Variants in PAPPA2 observed in about 807,000 individuals in gnomAD.
PAPPA2 encodes the protein pappalysin 2.
In PAPPA2, 86 loss-of-function variants were observed where a neutral mutation model predicts 176.4. The ratio of observed to expected loss-of-function variants is 0.49; its 90% CI spans 0.41 to 0.58. The LOEUF is 0.58. PAPPA2 is among the 20% of genes least tolerant of loss of function. PAPPA2 has a pLI of 0.00. For synonymous variants in PAPPA2, 809 were observed against 852.2 expected (o/e 0.95, Z 0.88); for missense variants, 2,073 against 2,256.9 (o/e 0.92, Z 1.65).
intron 1 of PAPPA2, among the ~76,000 whole-genome samples, chr1:176,476,733 A>G (rs757773367): frequency 3.9e-5 from 6 of 152,244 alleles, no homozygotes; most frequent in Non-Finnish European, 8.8e-5. Context: ...TATCAGCATC[A>G]TTTACAAAGA....
intron 1 of PAPPA2, among the ~76,000 whole-genome samples, chr1:176,486,542 A>G (rs756913045): frequency 2.6e-5 from 4 of 152,236 alleles, no homozygotes; most frequent in Non-Finnish European, 4.4e-5. Context: ...TATCAACTTT[A>G]TGAAATTAAG....
Position 176,770,996 on chromosome 1 carries a change from G to A in PAPPA2, c.4531G>A (p.Asp1511Asn). The change falls in exon 17 of 23, where the codon GAT becomes AAT. Residue 1511 changes from aspartate to asparagine, a missense_variant. Asp to Asn is a conservative substitution (Grantham distance 23). Transcript: ENST00000367662. Reference protein sequence around the residue: ...GLSPWLTCLEDGLWSLPEVYC... With the variant: ...GLSPWLTCLENGLWSLPEVYC... ...GAGCCCATGGCTGACATGTCTTGAAGATGGTCTCTGGTCTCTCCCTGAAGT... is the reference window on the plus strand; with the variant it reads ...GAGCCCATGGCTGACATGTCTTGAAAATGGTCTCTGGTCTCTCCCTGAAGT... 1.9e-6 allele frequency: 3 copies of A among 1,614,122 alleles called. No individual in the cohort carries two copies. Among genetic ancestry groups the A allele is most frequent in the Non-Finnish European group, 2.5e-6 (3 of 1,180,022 alleles).
At chr1:176,479,839 T>C (rs1447574068) in intron 1 of PAPPA2, among the ~76,000 whole-genome samples, 1 of 152,238 alleles carries the variant, frequency 6.6e-6, no homozygotes, top group East Asian at 1.9e-4. Flanking sequence ...ATACACTAAC[T>C]TGATTTGTAA....
chr1:176,687,476 G>C (rs574427259), intron 4 of PAPPA2, among the ~76,000 whole-genome samples: 5 of 152,248 alleles, frequency 3.3e-5, no homozygotes, highest in African/African-American at 1.2e-4. Context: ...GACTTCTGCT[G>C]GTTGATGAGA....
chr1:176,577,207 T>C (rs1383777290), intron 2 of PAPPA2, among the ~76,000 whole-genome samples: 1 of 152,170 alleles, frequency 6.6e-6, no homozygotes, highest in African/African-American at 2.4e-5. Context: ...TCAACTCCTT[T>C]AGATTCTTAT....
intron 17 of PAPPA2, among the ~76,000 whole-genome samples, chr1:176,784,706 C>T (rs1664857651): frequency 6.6e-6 from 1 of 152,036 alleles, no homozygotes; most frequent in African/African-American, 2.4e-5. Context: ...TCTGCCTCAG[C>T]CTCCCAAATA....
At chr1:176,575,293 G>A (rs1652580526) in intron 2 of PAPPA2, among the ~76,000 whole-genome samples, 1 of 152,146 alleles carries the variant, frequency 6.6e-6, no homozygotes, top group East Asian at 1.9e-4. Context: ...AATGGAAATG[G>A]TCAGTGGGCA....
intron 1 of PAPPA2, among the ~76,000 whole-genome samples, chr1:176,481,783 C>T (rs1350892428): frequency 6.6e-5 from 10 of 152,190 alleles, no homozygotes; most frequent in Admixed American, 6.5e-4. Context: ...CGGCTCACTG[C>T]ACTCTCCACC....
intron 3 of PAPPA2, among the ~76,000 whole-genome samples, chr1:176,643,448 G>T (rs1354784): frequency 0.019 from 2,916 of 149,854 alleles, 60 homozygotes; most frequent in African/African-American, 0.052. Context: ...CTTTAAAAAT[G>T]TAAAAACCAT....
At chr1:176,724,847 C>A (rs920802632) in intron 12 of PAPPA2, among the ~76,000 whole-genome samples, 4 of 152,144 alleles carry the variant, frequency 2.6e-5, no homozygotes, top group African/African-American at 9.7e-5. Flanking sequence ...AATTCTCATA[C>A]AAATTCTTAC....
At chr1:176,799,935 C>A (rs1665604010) in intron 20 of PAPPA2, 126 bp from the exon 21 acceptor site, 11 of 913,110 alleles carry the variant, frequency 1.2e-5, no homozygotes, top group Admixed American at 2.0e-5. Context: ...CTTTATGGGA[C>A]ACAATTAGAA....
intron 3 of PAPPA2, chr1:176,616,404 G>A: frequency 1.6e-6 from 1 of 612,312 alleles, no homozygotes. Flanking sequence ...GAATTGTACT[G>A]CATCTTCATG....
chr1:176,725,640 C>A (rs1661832116), intron 12 of PAPPA2, among the ~76,000 whole-genome samples: 1 of 152,160 alleles, frequency 6.6e-6, no homozygotes, highest in Admixed American at 6.5e-5. Context: ...TAGAGATAAG[C>A]ATTATCTCAG....
chr1:176,615,753 C>T (rs1224849076), intron 3 of PAPPA2, among the ~76,000 whole-genome samples: 4 of 152,074 alleles, frequency 2.6e-5, no homozygotes, highest in East Asian at 1.9e-4. Context: ...ATGTGGGAGA[C>T]GTAAACATAA....
At chr1:176,781,672 G>A (rs1664728923) in intron 17 of PAPPA2, among the ~76,000 whole-genome samples, 1 of 152,022 alleles carries the variant, frequency 6.6e-6, no homozygotes, top group Admixed American at 6.6e-5. Flanking sequence ...GTAGAGAACC[G>A]TGTCTTTTAA....
intron 1 of PAPPA2, among the ~76,000 whole-genome samples, chr1:176,521,873 A>G (rs1649232836): frequency 6.6e-6 from 1 of 152,170 alleles, no homozygotes; most frequent in African/African-American, 2.4e-5. Flanking sequence ...TAGAGTGCAC[A>G]ATAATGAGAA....
chr1:176,763,242 G>C (rs191532879), intron 14 of PAPPA2, among the ~76,000 whole-genome samples: 16 of 152,080 alleles, frequency 1.1e-4, no homozygotes, highest in South Asian at 4.2e-4. Flanking sequence ...CATATCTTTG[G>C]GCTAATAATT....
At chr1:176,512,149 A>G (rs911866672) in intron 1 of PAPPA2, among the ~76,000 whole-genome samples, 2 of 151,846 alleles carry the variant, frequency 1.3e-5, no homozygotes, top group African/African-American at 4.8e-5. Context: ...TATGTTCAAT[A>G]AAATTATTCA....
intron 17 of PAPPA2, among the ~76,000 whole-genome samples, chr1:176,776,949 C>T (rs1168847541): frequency 6.6e-6 from 1 of 151,738 alleles, no homozygotes; most frequent in Non-Finnish European, 1.5e-5. Context: ...GTTTAAGTAG[C>T]CTGCCCATGA....
Sources: gnomAD v4.1 joint callset for allele counts (sites outside exome capture counted in the v4.1 genomes callset) on GRCh38, gnomAD v4.1.1 for gene constraint, MANE v1.5 for transcripts, NCBI Gene and HGNC (gene_info 2026-07-23, HGNC 2026-07-21) for gene names.